SDK1: variants seen among roughly 807,000 people sequenced by gnomAD.
The protein encoded by SDK1 is sidekick cell adhesion molecule 1, also known as protein sidekick-1.
SDK1 carries 157 observed loss-of-function variants against 245.5 expected under a neutral mutation model. The observed-to-expected ratio is 0.64, with a 90% CI of 0.56 to 0.73. The LOEUF is 0.73. Ranked by LOEUF, SDK1 falls within the 30% of genes least tolerant of loss-of-function variation. SDK1 has a pLI of 0.00. For missense variants in SDK1, 3,583 were observed against 3,002.3 expected (o/e 1.19, Z -4.52); for synonymous variants, 1,647 against 1,278.5 (o/e 1.29, Z -6.15).
At chr7:3,903,617 C>T (rs911976145) in intron 5 of SDK1, among the ~76,000 whole-genome samples, 2 of 152,120 alleles carry the variant, frequency 1.3e-5, no homozygotes, top group African/African-American at 2.4e-5. Flanking sequence ...AATACCACTC[C>T]TAGGTATGTA....
At chr7:4,078,560 G>A (rs762362208) in intron 21 of SDK1, among the ~76,000 whole-genome samples, 43 of 152,182 alleles carry the variant, frequency 2.8e-4, no homozygotes, top group Non-Finnish European at 5.4e-4. Context: ...AGCAAATGAG[G>A]AAAGCATTCC....
At chr7:3,534,809 G>T (rs181478646) in intron 1 of SDK1, among the ~76,000 whole-genome samples, 2 of 152,310 alleles carry the variant, frequency 1.3e-5, no homozygotes, top group East Asian at 3.9e-4. Flanking sequence ...GTGAAATCAA[G>T]CTGGAAATAG....
chr7:3,943,991 C>T (rs1780475920), intron 5 of SDK1, among the ~76,000 whole-genome samples: 1 of 152,224 alleles, frequency 6.6e-6, no homozygotes, highest in Middle Eastern at 3.2e-3. Flanking sequence ...TCAGTGTCTT[C>T]ACCTCCAGCC....
chr7:3,941,208 C>G (rs765540383), intron 5 of SDK1, among the ~76,000 whole-genome samples: 1 of 152,124 alleles, frequency 6.6e-6, no homozygotes, highest in Admixed American at 6.5e-5. Context: ...CATACTCACC[C>G]CCGTCTTTCT....
At chr7:3,536,654 A>G (rs1583138069) in intron 1 of SDK1, among the ~76,000 whole-genome samples, 1 of 151,722 alleles carries the variant, frequency 6.6e-6, no homozygotes, top group African/African-American at 2.4e-5. Context: ...AGATTGTGCC[A>G]CTCCACTCCA....
chr7:3,491,063 G>A (rs992142395), intron 1 of SDK1, among the ~76,000 whole-genome samples: 1 of 152,192 alleles, frequency 6.6e-6, no homozygotes, highest in Non-Finnish European at 1.5e-5. Flanking sequence ...CCTCCAGAGA[G>A]GTGTTATCCC....
intron 4 of SDK1, among the ~76,000 whole-genome samples, chr7:3,712,892 A>C (rs968174821): frequency 6.6e-6 from 1 of 152,214 alleles, no homozygotes; most frequent in Non-Finnish European, 1.5e-5. Context: ...TTGGACCTTC[A>C]GTGGTGCCAT....
At position 3,567,846 on chromosome 7, in the gene SDK1, C is replaced by T. The variant is rs911916649; in HGVS notation, c.299-51234C>T. Among the ~76,000 whole-genome samples, 5 of 152,158 alleles carry T rather than the reference C, an allele frequency of 3.3e-5. No individual in the cohort carries two copies. In the South Asian group the frequency reaches 1.0e-3, roughly 32 times the overall value. On this transcript the variant is annotated intron_variant, in intron 1 of 44. Coordinates refer to ENST00000404826, the MANE Select transcript of SDK1 (RefSeq NM_152744.4). ...TTTTCTTCTAAGGCAGGGTCTTGCCCTGTTGCATAGGCTGCAGTGCAGTGG... is the reference window on the plus strand; with the variant it reads ...TTTTCTTCTAAGGCAGGGTCTTGCCTTGTTGCATAGGCTGCAGTGCAGTGG...
At chr7:3,306,627 T>C (rs1779423277) in intron 1 of SDK1, among the ~76,000 whole-genome samples, 1 of 152,206 alleles carries the variant, frequency 6.6e-6, no homozygotes, top group Admixed American at 6.5e-5. Flanking sequence ...AATACTGAGA[T>C]AAAACAACGT....
At chr7:3,569,068 C>A (rs1780021347) in intron 1 of SDK1, among the ~76,000 whole-genome samples, 1 of 145,994 alleles carries the variant, frequency 6.8e-6, no homozygotes, top group Non-Finnish European at 1.5e-5. Flanking sequence ...ATTTTCTCAT[C>A]TGAAAAATTA....
intron 4 of SDK1, among the ~76,000 whole-genome samples, chr7:3,656,859 TGCCTCA>T (rs993959097): frequency 1.1e-4 from 16 of 151,648 alleles, no homozygotes; most frequent in African/African-American, 3.4e-4. Context: ...ACCATTCTCC[TGCCTCA>T]GCCTCCCGAG....
At chr7:3,644,255 A>G (rs1489667947) in intron 4 of SDK1, among the ~76,000 whole-genome samples, 1 of 150,390 alleles carries the variant, frequency 6.6e-6, no homozygotes, top group Non-Finnish European at 1.5e-5. Flanking sequence ...ATATATATAT[A>G]TATATATATA....
intron 35 of SDK1, among the ~76,000 whole-genome samples, chr7:4,184,438 G>A (rs1192825539): frequency 6.8e-6 from 1 of 146,028 alleles, no homozygotes; most frequent in African/African-American, 2.5e-5. Context: ...TGCCACTAAG[G>A]CACCAGTCCT....
intron 1 of SDK1, among the ~76,000 whole-genome samples, chr7:3,376,668 C>T (rs1781363658): frequency 6.6e-6 from 1 of 152,202 alleles, no homozygotes; most frequent in African/African-American, 2.4e-5. Context: ...ACAGATTTGT[C>T]TGACTTTTCT....
chr7:3,569,819 C>G (rs140358939), intron 1 of SDK1, among the ~76,000 whole-genome samples: 45 of 152,262 alleles, frequency 3.0e-4, no homozygotes, highest in African/African-American at 1.1e-3. Context: ...AAAATTTGAC[C>G]TCAGGCTTGT....
At chr7:3,646,844 A>G (rs1268008040) in intron 4 of SDK1, among the ~76,000 whole-genome samples, 1 of 152,248 alleles carries the variant, frequency 6.6e-6, no homozygotes, top group African/African-American at 2.4e-5. Context: ...TTAATTAAAA[A>G]TAGGTGGAAA....
chr7:3,682,138 C>A (rs547257343), intron 4 of SDK1, among the ~76,000 whole-genome samples: 1 of 152,290 alleles, frequency 6.6e-6, no homozygotes, highest in South Asian at 2.1e-4. Context: ...TACACATCAG[C>A]ATTTACAAAA....
intron 1 of SDK1, among the ~76,000 whole-genome samples, chr7:3,475,768 C>G (rs1781331274): frequency 6.6e-6 from 1 of 152,186 alleles, no homozygotes; most frequent in South Asian, 2.1e-4. Flanking sequence ...TATATTTGTA[C>G]AAGACAGTCT....
intron 22 of SDK1, among the ~76,000 whole-genome samples, chr7:4,090,636 A>C (rs1423301671): frequency 1.3e-5 from 2 of 152,140 alleles, no homozygotes; most frequent in African/African-American, 4.8e-5. Flanking sequence ...AGATGTTCCC[A>C]ACTCATCTTG....
Sources: allele counts gnomAD v4.1 joint callset (sites outside exome capture counted in the v4.1 genomes callset), GRCh38; gene constraint gnomAD v4.1.1; transcripts MANE v1.5; gene names NCBI Gene and HGNC (gene_info 2026-07-23, HGNC 2026-07-21).